Variants in SPAG17 observed in about 807,000 individuals in gnomAD.
SPAG17 encodes the protein sperm associated antigen 17.
A neutral mutation model predicts 273.6 loss-of-function variants in SPAG17; 169 were observed. That is an observed-to-expected ratio of 0.62 (90% CI 0.55 to 0.70). SPAG17 has a LOEUF of 0.70. SPAG17 is among the 30% of genes least tolerant of loss of function. The pLI, the probability that SPAG17 is intolerant of heterozygous loss-of-function variation, is 0.00. For missense variants in SPAG17, 2,557 were observed against 2,627.8 expected, an observed-to-expected ratio of 0.97 and a Z score of 0.59; for synonymous variants, 825 against 873.2, an observed-to-expected ratio of 0.94 and a Z score of 0.97.
rs554477668 is a variant in SPAG17, at chr1:118,023,953, A to G, written c.3910-490T>C. Among the ~76,000 whole-genome samples, 3 of 152,288 alleles carry G rather than the reference A, an allele frequency of 2.0e-5. No individual in the cohort carries two copies. The East Asian group carries it at 5.8e-4, about 29-fold the overall frequency. On this transcript the variant is annotated intron_variant, in intron 27 of 48. Transcript: ENST00000336338. ...TACCTAGACACTCCCAACAAACATGACAAGGACCAACGTCACTGTTGCTGA... is the reference window on the plus strand; with the variant it reads ...TACCTAGACACTCCCAACAAACATGGCAAGGACCAACGTCACTGTTGCTGA...
chr1:118,000,157 C>T (rs1252090404), intron 32 of SPAG17, among the ~76,000 whole-genome samples: 2 of 152,082 alleles, frequency 1.3e-5, no homozygotes, highest in African/African-American at 2.4e-5. Context: ...ATTTCTGAGG[C>T]CTCTGTCCTG....
intron 43 of SPAG17, 82 bp downstream of exon 43, chr1:117,981,188 G>T: frequency 1.4e-6 from 2 of 1,404,198 alleles, no homozygotes; most frequent in Admixed American, 2.8e-5. Flanking sequence ...TCTCAACCTC[G>T]CCTCCTAGCG....
Position 118,167,824 on chromosome 1 carries a change from T to C in SPAG17, c.88-16455A>G, listed in dbSNP as rs10923502. On this transcript the variant is annotated intron_variant, in intron 1 of 48. Transcript: ENST00000336338. ...GGCCTGGTGGGAGGTGACTGGGTCATGGGGGTGGATTTTTCATGAATGGTT... is the reference window on the plus strand; with the variant it reads ...GGCCTGGTGGGAGGTGACTGGGTCACGGGGGTGGATTTTTCATGAATGGTT... Among the ~76,000 whole-genome samples, 415 of 152,190 alleles carry C rather than the reference T, an allele frequency of 2.7e-3. 3 individuals are homozygous for C. Among genetic ancestry groups the C allele is most frequent in the African/African-American group, 9.4e-3 (392 of 41,528 alleles).
intron 20 of SPAG17, among the ~76,000 whole-genome samples, chr1:118,052,397 G>A (rs962129883): frequency 1.3e-5 from 2 of 151,556 alleles, no homozygotes; most frequent in African/African-American, 2.4e-5. Flanking sequence ...AGGGGCTGCA[G>A]GAAAGGGGAT....
intron 6 of SPAG17, among the ~76,000 whole-genome samples, chr1:118,098,998 T>C (rs990990566): frequency 2.6e-5 from 4 of 152,162 alleles, no homozygotes; most frequent in Non-Finnish European, 4.4e-5. Context: ...TACACCAAAT[T>C]CTAGTTCTAT....
rs377184981 is a variant in SPAG17, at chr1:118,086,142, G to A, written c.1612-70C>T. 2.7e-4 allele frequency: 367 copies of A among 1,381,022 alleles called. No individual in the cohort carries two copies. The African/African-American group carries it at 4.7e-3, about 18-fold the overall frequency. The allele number at this position is 1,381,022 out of a possible 1,614,324, so 85.5% of individuals were successfully genotyped here. On this transcript the variant is annotated intron_variant, in intron 12 of 48. Transcript: ENST00000336338. Reference sequence around the variant, plus strand: ...TTAAGTGCCTTATGCATATGGAGAAGGCTAAACATGATACCTTCACCCTCA... The same window carrying A: ...TTAAGTGCCTTATGCATATGGAGAAAGCTAAACATGATACCTTCACCCTCA...
chr1:117,983,114 A>G (rs1191676997), intron 42 of SPAG17, among the ~76,000 whole-genome samples: 1 of 152,110 alleles, frequency 6.6e-6, no homozygotes, highest in East Asian at 1.9e-4. Context: ...CCTCACAATC[A>G]TGGTGGAAGG....
rs946992489 is a variant in SPAG17 at position 118,031,613 on chromosome 1, T to C, written c.3609+79A>G. On this transcript the variant is annotated intron_variant, in intron 25 of 48. Transcript: ENST00000336338. ...AAACGTATGCACTATAATAACACTA[T>C]TGACATAAGTCATGGTTTTAAAAAA... 5.0e-6 allele frequency: 7 copies of C among 1,412,392 alleles called. No homozygotes were observed. In the African/African-American group the frequency reaches 8.6e-5, roughly 17 times the overall value. 87.5% of individuals were successfully genotyped at this position (1,412,392 alleles called of 1,614,324 possible). A position where few individuals can be genotyped will look rare whatever the true frequency, so the allele number is the denominator to read the frequency against.
chr1:118,034,563 A>G (rs1244716544), intron 24 of SPAG17, among the ~76,000 whole-genome samples: 4 of 152,298 alleles, frequency 2.6e-5, no homozygotes, highest in African/African-American at 4.8e-5. Context: ...TAACACCTCT[A>G]TGCTGTAGCT....
At chr1:118,015,920 A>G in intron 29 of SPAG17, 45 bp downstream of exon 29, 1 of 1,556,136 alleles carries the variant, frequency 6.4e-7, no homozygotes, top group Non-Finnish European at 8.9e-7. Flanking sequence ...GTTTCAGAAT[A>G]CTAATGACTT....
intron 1 of SPAG17, among the ~76,000 whole-genome samples, chr1:118,161,694 C>T (rs1262038556): frequency 6.6e-6 from 1 of 152,066 alleles, no homozygotes; most frequent in African/African-American, 2.4e-5. Flanking sequence ...CCCGCCCCCA[C>T]CTGGCTAATT....
At chr1:117,955,438 G>T (rs1410765434) in intron 48 of SPAG17, 1 of 1,308,682 alleles carries the variant, frequency 7.6e-7, no homozygotes, top group African/African-American at 1.5e-5. Context: ...GAAATAAATA[G>T]AAATTATAAT....
intron 6 of SPAG17, 104 bp downstream of exon 6, chr1:118,099,502 T>G: frequency 9.4e-7 from 1 of 1,059,812 alleles, no homozygotes; most frequent in African/African-American, 1.6e-5. Flanking sequence ...GATTTAATAA[T>G]GTACTAATTG....
intron 30 of SPAG17, among the ~76,000 whole-genome samples, chr1:118,008,511 T>A (rs1557900192): frequency 6.6e-6 from 1 of 152,332 alleles, no homozygotes; most frequent in East Asian, 1.9e-4. Context: ...AAATATAATT[T>A]AAGCACTCAG....
chr1:118,089,453 G>A (rs1235504533), intron 10 of SPAG17, among the ~76,000 whole-genome samples: 1 of 151,744 alleles, frequency 6.6e-6, no homozygotes, highest in Non-Finnish European at 1.5e-5. Flanking sequence ...CACAGAATGT[G>A]ACTGGAAATC....
At chr1:118,180,927 T>C (rs1660910231) in intron 1 of SPAG17, among the ~76,000 whole-genome samples, 1 of 152,004 alleles carries the variant, frequency 6.6e-6, no homozygotes, top group Admixed American at 6.6e-5. Context: ...TAAAGAAAAA[T>C]GTATAAAATT....
chr1:118,136,795 GTGTGTA>G (rs1036776308), intron 3 of SPAG17, among the ~76,000 whole-genome samples: 1 of 97,992 alleles, frequency 1.0e-5, no homozygotes, highest in African/African-American at 4.0e-5. Flanking sequence ...AAGTGTGTGT[GTGTGTA>G]TGTGTGTGTG....
intron 3 of SPAG17, among the ~76,000 whole-genome samples, chr1:118,117,350 G>A (rs1467870716): frequency 6.6e-6 from 1 of 152,182 alleles, no homozygotes; most frequent in African/African-American, 2.4e-5. Context: ...TCATGGCAAT[G>A]GATGGGATGT....
chr1:118,085,534 G>GTGCATACGCGTGCGCA (rs1654925079), intron 13 of SPAG17, among the ~76,000 whole-genome samples: 1 of 151,800 alleles, frequency 6.6e-6, no homozygotes, highest in Non-Finnish European at 1.5e-5. Context: ...ACGCGTGCGC[G>GTGCATACGCGTGCGCA]CGCGCACACA....
Sources: gnomAD v4.1 joint callset for allele counts (sites outside exome capture counted in the v4.1 genomes callset) on GRCh38, gnomAD v4.1.1 for gene constraint, MANE v1.5 for transcripts, NCBI Gene and HGNC (gene_info 2026-07-23, HGNC 2026-07-21) for gene names.